TMOD3: variants seen among roughly 807,000 people sequenced by gnomAD.
TMOD3 encodes the protein tropomodulin-3.
TMOD3 carries 20 observed loss-of-function variants against 39.2 expected under a neutral mutation model. The observed-to-expected ratio is 0.51, with a 90% CI of 0.36 to 0.74. The LOEUF (loss-of-function observed/expected upper bound fraction) is 0.74. Among genes scored for constraint, TMOD3 ranks in the 30% least tolerant of loss-of-function variants. The pLI is 0.00. For missense variants in TMOD3, 381 were observed against 412.8 expected (o/e 0.92, Z 0.67); for synonymous variants, 143 against 145.8 (o/e 0.98, Z 0.14).
At chr15:51,892,842 C>A (rs529328200) in intron 5 of TMOD3, among the ~76,000 whole-genome samples, 4 of 152,158 alleles carry the variant, frequency 2.6e-5, no homozygotes, top group African/African-American at 7.2e-5. Context: ...CAAATGGCAT[C>A]ATCAACTTGT....
intron 3 of TMOD3, among the ~76,000 whole-genome samples, chr15:51,873,572 A>G (rs555881147): frequency 2.4e-4 from 37 of 152,340 alleles, no homozygotes; most frequent in Admixed American, 1.8e-3. Flanking sequence ...CCTAATGGCA[A>G]TATTAGCCTT....
Position 51,912,598 on chromosome 15 carries a change from T to G in TMOD3, c.*3788T>G, listed in dbSNP as rs891791830. 2 of 152,182 alleles carry G rather than the reference T, an allele frequency of 1.3e-5. No individual in the cohort carries two copies. The highest frequency in any genetic ancestry group is 6.5e-5 in the Admixed American group (1 of 15,278). The allele number at this position is 152,182 out of a possible 1,614,324, so 9.4% of individuals were successfully genotyped here. A position where few individuals can be genotyped will look rare whatever the true frequency, so the allele number is the denominator to read the frequency against. ...CTGCCTCACTTTTTCCCTAAAAAAC[T>G]AGGAACCACTGTTAACCTCCCAGCA... On this transcript the variant is annotated 3_prime_UTR_variant, in exon 10 of 10. Coordinates refer to ENST00000308580, the MANE Select transcript of TMOD3 (RefSeq NM_014547.5).
intron 1 of TMOD3, among the ~76,000 whole-genome samples, chr15:51,836,464 C>T (rs568391707): frequency 2.6e-5 from 4 of 152,138 alleles, no homozygotes; most frequent in East Asian, 1.9e-4. Flanking sequence ...TTCGTTTTCA[C>T]GCCTATAATC....
chr15:51,893,492 C>G (rs1438363273), intron 5 of TMOD3, among the ~76,000 whole-genome samples: 1 of 151,924 alleles, frequency 6.6e-6, no homozygotes, highest in Non-Finnish European at 1.5e-5. Context: ...CCAGGCTGAG[C>G]ACAGTGGCTC....
intron 3 of TMOD3, among the ~76,000 whole-genome samples, chr15:51,879,455 T>C (rs1279000408): frequency 6.6e-6 from 1 of 152,068 alleles, no homozygotes; most frequent in Non-Finnish European, 1.5e-5. Flanking sequence ...GATTTTGCTA[T>C]CTTAAATAAG....
intron 9 of TMOD3, among the ~76,000 whole-genome samples, chr15:51,902,906 C>T (rs1416515271): frequency 6.6e-6 from 1 of 152,132 alleles, no homozygotes; most frequent in Admixed American, 6.5e-5. Context: ...CCGCCTCGGC[C>T]TCCCAAAGTG....
chr15:51,881,550 C>CTTTT lies in TMOD3; in HGVS notation c.284-6014_284-6011dup, dbSNP rs753814979. The stretch of plus-strand genomic sequence containing the variant: ...ACGGAGATACAATCTTTCTTTATTT[C>CTTTT]TTTTTTTTTTTTTTTTTTTTTTTTT... On this transcript the variant is annotated intron_variant, in intron 3 of 9. Transcript: ENST00000308580. Among the ~76,000 whole-genome samples, 301 of 61,834 alleles carry CTTTT rather than the reference C, an allele frequency of 4.9e-3. 50 individuals are homozygous for CTTTT. The highest frequency in any genetic ancestry group is 0.019 in the African/African-American group (273 of 14,594). The allele number at this position is 61,834 out of a possible 152,430, so 40.6% of individuals were successfully genotyped here.
At chr15:51,836,125 T>G (rs890095382) in intron 1 of TMOD3, among the ~76,000 whole-genome samples, 1 of 152,208 alleles carries the variant, frequency 6.6e-6, no homozygotes, top group African/African-American at 2.4e-5. Context: ...TTCTCTAACA[T>G]ATAACAGCTT....
chr15:51,838,555 C>T (rs1457296553), intron 1 of TMOD3, among the ~76,000 whole-genome samples: 2 of 152,094 alleles, frequency 1.3e-5, no homozygotes, highest in Non-Finnish European at 2.9e-5. Context: ...CCTCTCTCTG[C>T]TTGTAGGGCT....
chr15:51,863,256 C>T (rs2056428325), intron 2 of TMOD3, among the ~76,000 whole-genome samples: 1 of 152,150 alleles, frequency 6.6e-6, no homozygotes, highest in South Asian at 2.1e-4. Flanking sequence ...TTTTTTCCTC[C>T]TCTAAGAAAT....
chr15:51,862,216 A>G (rs2141684033), intron 1 of TMOD3, among the ~76,000 whole-genome samples: 1 of 152,294 alleles, frequency 6.6e-6, no homozygotes, highest in South Asian at 2.1e-4. Flanking sequence ...AGTGGATGAC[A>G]TATCCCAGCA....
intron 1 of TMOD3, among the ~76,000 whole-genome samples, chr15:51,856,909 C>T (rs1268317866): frequency 6.6e-6 from 1 of 152,162 alleles, no homozygotes; most frequent in East Asian, 1.9e-4. Flanking sequence ...CCCAGCAATT[C>T]CATTCCTAGA....
Position 51,909,219 on chromosome 15 carries a change from G to T in TMOD3, c.*409G>T, listed in dbSNP as rs976998145. 1 of 155,588 alleles carries T rather than the reference G, an allele frequency of 6.4e-6. No individual in the cohort carries two copies. Among genetic ancestry groups the T allele is most frequent in the East Asian group, 1.9e-4 (1 of 5,302 alleles). 9.6% of individuals were successfully genotyped at this position (155,588 alleles called of 1,614,324 possible). A position where few individuals can be genotyped will look rare whatever the true frequency, so the allele number is the denominator to read the frequency against. On this transcript the variant is annotated 3_prime_UTR_variant, in exon 10 of 10. Coordinates refer to ENST00000308580, the MANE Select transcript of TMOD3 (RefSeq NM_014547.5). ...AACACTTAAGTGTTTTCTTCACTCC[G>T]TGACCTGGAGAGTTTTCCATTTTTT... is the stretch of plus-strand genomic sequence containing the variant.
intron 1 of TMOD3, among the ~76,000 whole-genome samples, chr15:51,841,400 G>A (rs1195218520): frequency 1.3e-5 from 2 of 152,082 alleles, no homozygotes; most frequent in Non-Finnish European, 2.9e-5. Context: ...CCTGTTTTGG[G>A]TCCTTCTAAG....
chr15:51,849,469 C>T (rs73411105), intron 1 of TMOD3, among the ~76,000 whole-genome samples: 7,430 of 152,082 alleles, frequency 0.049, 421 homozygotes, highest in African/African-American at 0.12. Context: ...GAGAAGCTGT[C>T]CAAGGAACTA....
chr15:51,850,556 A>C (rs984614560), intron 1 of TMOD3, among the ~76,000 whole-genome samples: 9 of 152,172 alleles, frequency 5.9e-5, no homozygotes, highest in African/African-American at 1.9e-4. Context: ...AAGTCATCTA[A>C]GAGAGTAGGA....
intron 5 of TMOD3, among the ~76,000 whole-genome samples, chr15:51,891,244 C>CTT (rs56932356): frequency 0.11 from 13,867 of 130,072 alleles, 1,202 homozygotes; most frequent in East Asian, 0.51. Context: ...AACCTCTTTC[C>CTT]TTTTTTTTTT....
rs747715398 is a variant in TMOD3 at position 51,863,050 on chromosome 15, G to T, written c.126+40G>T. The T allele has an allele frequency of 5.0e-6, 8 of 1,586,872 alleles. No individual in the cohort carries two copies. In the African/African-American group the frequency reaches 1.1e-4, roughly 22 times the overall value. On this transcript the variant is annotated intron_variant, in intron 2 of 9. Transcript: ENST00000308580. Reference sequence around the variant, plus strand: ...ATGAAGAGAAATGAAATAACTTTTCGAATTCTTTGAAACTCAGTAGCTGCC... The same window carrying T: ...ATGAAGAGAAATGAAATAACTTTTCTAATTCTTTGAAACTCAGTAGCTGCC...
intron 3 of TMOD3, among the ~76,000 whole-genome samples, chr15:51,883,124 A>G (rs891437843): frequency 1.1e-4 from 16 of 152,238 alleles, no homozygotes; most frequent in African/African-American, 3.6e-4. Context: ...AAATCTCTAC[A>G]TACAGAAAAA....
Sources: gnomAD v4.1 joint callset for allele counts (sites outside exome capture counted in the v4.1 genomes callset) on GRCh38, gnomAD v4.1.1 for gene constraint, MANE v1.5 for transcripts, NCBI Gene and HGNC (gene_info 2026-07-23, HGNC 2026-07-21) for gene names.